Variants in SLIT2 observed in about 807,000 individuals in gnomAD.
The protein encoded by SLIT2 is slit homolog 2 protein.
In SLIT2, 41 loss-of-function variants were observed where a neutral mutation model predicts 185.7. The ratio of observed to expected loss-of-function variants is 0.22; its 90% CI spans 0.17 to 0.29. The LOEUF (loss-of-function observed/expected upper bound fraction) is 0.29. Ranked by LOEUF, SLIT2 falls within the 10% of genes least tolerant of loss-of-function variation. The pLI, the probability that SLIT2 is intolerant of heterozygous loss-of-function variation, is 1.00. For synonymous variants in SLIT2, 693 were observed against 680.2 expected, an observed-to-expected ratio of 1.02 and a Z score of -0.29; for missense variants, 1,571 against 1,909.0, an observed-to-expected ratio of 0.82 and a Z score of 3.30.
intron 25 of SLIT2, among the ~76,000 whole-genome samples, chr4:20,553,363 A>G (rs1474413955): frequency 6.6e-6 from 1 of 152,192 alleles, no homozygotes; most frequent in Non-Finnish European, 1.5e-5. Context: ...CCCAATGCTA[A>G]TGCTAATCTC....
intron 4 of SLIT2, among the ~76,000 whole-genome samples, chr4:20,386,615 G>A (rs1724957326): frequency 6.6e-6 from 1 of 152,126 alleles, no homozygotes; most frequent in Admixed American, 6.5e-5. Context: ...CTATTATTCA[G>A]TCCTCAACCA....
chr4:20,595,982 G>A, intron 31 of SLIT2, 148 bp downstream of exon 31: 3 of 665,916 alleles, frequency 4.5e-6, no homozygotes, highest in Non-Finnish European at 4.9e-6. Flanking sequence ...TACTTGAGGG[G>A]ATGGATACCC....
At chr4:20,462,520 A>G (rs1201475062) in intron 4 of SLIT2, among the ~76,000 whole-genome samples, 4 of 152,102 alleles carry the variant, frequency 2.6e-5, no homozygotes, top group African/African-American at 9.7e-5. Flanking sequence ...GTTAAATTCC[A>G]TTGAAGATTT....
intron 5 of SLIT2, among the ~76,000 whole-genome samples, chr4:20,470,435 T>G (rs1175386915): frequency 6.6e-6 from 1 of 151,424 alleles, no homozygotes; most frequent in African/African-American, 2.4e-5. Context: ...CGCTTGAAGT[T>G]ATCAGGGAAT....
chr4:20,533,922 T>A (rs908864152), intron 18 of SLIT2, among the ~76,000 whole-genome samples: 18 of 99,308 alleles, frequency 1.8e-4, no homozygotes, highest in African/African-American at 7.1e-4. Context: ...TATTCCTGCC[T>A]TCGATGTGTG....
intron 4 of SLIT2, among the ~76,000 whole-genome samples, chr4:20,345,543 T>TA (rs1721325366): frequency 7.4e-6 from 1 of 134,766 alleles, no homozygotes; most frequent in Non-Finnish European, 1.5e-5. Flanking sequence ...TTTTCTTTTT[T>TA]CTTTTTTTTT....
chr4:20,463,513 A>C (rs1236262841), intron 4 of SLIT2, among the ~76,000 whole-genome samples: 1 of 99,588 alleles, frequency 1.0e-5, no homozygotes, highest in Non-Finnish European at 2.1e-5. Context: ...GTATATCCAT[A>C]TATGTGTGTG....
intron 3 of SLIT2, 136 bp from the exon 4 acceptor site, chr4:20,268,674 T>A: frequency 1.5e-6 from 1 of 675,774 alleles, no homozygotes; most frequent in South Asian, 1.7e-5. Context: ...AACTTTTGAT[T>A]TGCAATGCTT....
Position 20,513,746 on chromosome 4 carries a change from A to G in SLIT2, c.1058+2609A>G, listed in dbSNP as rs560764476. ...AAGGATAGCTGTGGTTGGCGGGGGG[A>G]AGCTAAAACCTTAAATAAGATGATC... On this transcript the variant is annotated intron_variant, in intron 11 of 36. Coordinates refer to ENST00000504154, the MANE Select transcript of SLIT2 (RefSeq NM_004787.4). Among the ~76,000 whole-genome samples, 73 of 151,646 alleles carry G rather than the reference A, an allele frequency of 4.8e-4. 1 individual carries two copies. The highest frequency in any genetic ancestry group is 1.5e-3 in the East Asian group (8 of 5,184).
intron 29 of SLIT2, 167 bp downstream of exon 29, chr4:20,569,171 C>T: frequency 3.2e-6 from 2 of 622,586 alleles, no homozygotes; most frequent in Non-Finnish European, 5.6e-6. Context: ...ATAGTTTCAG[C>T]TAACCAAATA....
intron 33 of SLIT2, among the ~76,000 whole-genome samples, chr4:20,603,728 C>G (rs1728580699): frequency 6.6e-6 from 1 of 152,012 alleles, no homozygotes; most frequent in Non-Finnish European, 1.5e-5. Context: ...TTTCTGTCAC[C>G]TACTGTTACA....
chr4:20,456,153 T>C (rs1713042809), intron 4 of SLIT2, among the ~76,000 whole-genome samples: 1 of 151,518 alleles, frequency 6.6e-6, no homozygotes, highest in African/African-American at 2.4e-5. Flanking sequence ...CAAAGATTCC[T>C]AAATCCTTTG....
In SLIT2 at chr4:20,598,450, G is replaced by C. The variant is rs1728152438; in HGVS notation, c.3692+55G>C. On this transcript the variant is annotated intron_variant, in intron 33 of 36. Coordinates refer to ENST00000504154, the MANE Select transcript of SLIT2 (RefSeq NM_004787.4). Reference sequence around the variant, plus strand: ...GAAAAAAATTGCTTAATGAAGAACTGCTTCTCCTCTATCATTTTATTATGG... The same window carrying C: ...GAAAAAAATTGCTTAATGAAGAACTCCTTCTCCTCTATCATTTTATTATGG... 6 of 1,588,922 alleles carry C rather than the reference G, an allele frequency of 3.8e-6. No homozygotes were observed. In the East Asian group the frequency reaches 1.3e-4, roughly 36 times the overall value.
chr4:20,432,001 C>G (rs576830789), intron 4 of SLIT2, among the ~76,000 whole-genome samples: 290 of 150,836 alleles, frequency 1.9e-3, no homozygotes, highest in Admixed American at 3.2e-3. Context: ...CTCTCACTCT[C>G]TGTGTGTGTG....
intron 20 of SLIT2, 49 bp from the exon 21 acceptor site, chr4:20,542,444 AC>A (rs1431186399): frequency 6.3e-7 from 1 of 1,597,384 alleles, no homozygotes; most frequent in Non-Finnish European, 8.6e-7. Context: ...CCCTTCTAGC[AC>A]CTTCAAGACC....
intron 4 of SLIT2, among the ~76,000 whole-genome samples, chr4:20,382,925 A>G (rs1239053257): frequency 1.3e-5 from 2 of 152,210 alleles, no homozygotes; most frequent in East Asian, 3.9e-4. Flanking sequence ...TACTCTACAC[A>G]GTGTGGCTCT....
intron 4 of SLIT2, among the ~76,000 whole-genome samples, chr4:20,463,450 T>TAGATAG (rs1440893392): frequency 0.013 from 261 of 20,522 alleles, 4 homozygotes; most frequent in African/African-American, 0.045. Flanking sequence ...CAAACTGTGA[T>TAGATAG]ATATATATAT....
chr4:20,387,734 C>G (rs1725043917), intron 4 of SLIT2, among the ~76,000 whole-genome samples: 1 of 152,136 alleles, frequency 6.6e-6, no homozygotes, highest in Non-Finnish European at 1.5e-5. Context: ...CACCAGCCGA[C>G]AGCAGCAAGA....
At chr4:20,543,373 G>T (rs773241297) in intron 21 of SLIT2, among the ~76,000 whole-genome samples, 1 of 152,094 alleles carries the variant, frequency 6.6e-6, no homozygotes, top group Non-Finnish European at 1.5e-5. Flanking sequence ...ATTCATTAGA[G>T]AATATGCTGC....
Sources: allele counts gnomAD v4.1 joint callset (sites outside exome capture counted in the v4.1 genomes callset), GRCh38; gene constraint gnomAD v4.1.1; transcripts MANE v1.5; gene names NCBI Gene and HGNC (gene_info 2026-07-23, HGNC 2026-07-21).